The following CTNNA3 variants were observed in gnomAD, a reference collection of about 807,000 sequenced individuals.
The protein encoded by CTNNA3 is catenin alpha-3.
Under a neutral mutation model 95.7 loss-of-function variants are expected in CTNNA3, and 76 were observed. The observed-to-expected ratio is 0.79, with a 90% CI of 0.66 to 0.96. The LOEUF is 0.96. Among genes scored for constraint, CTNNA3 ranks in the 40% least tolerant of loss-of-function variants. The pLI is 0.00. For missense variants in CTNNA3, 1,191 were observed against 1,089.8 expected, an observed-to-expected ratio of 1.09 and a Z score of -1.31; for synonymous variants, 431 against 374.4, an observed-to-expected ratio of 1.15 and a Z score of -1.74.
chr10:66,193,622 T>C (rs2086794098), intron 13 of CTNNA3, among the ~76,000 whole-genome samples: 1 of 152,196 alleles, frequency 6.6e-6, no homozygotes, highest in Admixed American at 6.5e-5. Flanking sequence ...TTAGACAATA[T>C]AGCACAGTAT....
intron 7 of CTNNA3, among the ~76,000 whole-genome samples, chr10:66,784,439 A>T (rs12262330): frequency 0.17 from 25,867 of 152,108 alleles, 2,846 homozygotes; most frequent in African/African-American, 0.31. Flanking sequence ...TAAAAATCTC[A>T]TAAACAGGAT....
At chr10:66,567,748 C>A (rs1186550799) in intron 10 of CTNNA3, among the ~76,000 whole-genome samples, 1 of 152,214 alleles carries the variant, frequency 6.6e-6, no homozygotes, top group Non-Finnish European at 1.5e-5. Context: ...ACACATCCCC[C>A]TTTCAGGTCA....
At position 67,342,680 on chromosome 10, in the gene CTNNA3, T is replaced by A. The variant is rs189118521; in HGVS notation, c.580-122810A>T. Among the ~76,000 whole-genome samples, 4 of 152,298 alleles carry A rather than the reference T, an allele frequency of 2.6e-5. No homozygotes were observed. The East Asian group carries it at 5.8e-4, about 22-fold the overall frequency. ...TGGATATCCAGTTTTCCCAGCAGCA[T>A]TTATTGAAGAGACTGTCTTTTTTCG... is the stretch of plus-strand genomic sequence containing the variant. On this transcript the variant is annotated intron_variant, in intron 5 of 17. Transcript: ENST00000433211.
rs71474007 is a variant in CTNNA3 at position 66,024,085 on chromosome 10, A to ATTTTTTTTTTTTTTTTTTTTTTTT, written c.2160-35289_2160-35288insAAAAAAAAAAAAAAAAAAAAAAAA. 5.4e-4 allele frequency among the ~76,000 whole-genome samples: 47 copies of ATTTTTTTTTTTTTTTTTTTTTTTT among 87,748 alleles called. 9 individuals carry two copies. Among genetic ancestry groups the ATTTTTTTTTTTTTTTTTTTTTTTT allele is most frequent in the East Asian group, 7.1e-4 (2 of 2,804 alleles). 57.6% of individuals were successfully genotyped at this position (87,748 alleles called of 152,430 possible). A position where few individuals can be genotyped will look rare whatever the true frequency, so the allele number is the denominator to read the frequency against. ...TATCACAGAAACTTATACCATACACATTTTTTTTTTTTTTTTTTTTTTGAG... is the reference window on the plus strand; with the variant it reads ...TATCACAGAAACTTATACCATACACATTTTTTTTTTTTTTTTTTTTTTTTTTTTTTTTTTTTTTTTTTTTTTGAG... On this transcript the variant is annotated intron_variant, in intron 15 of 17. Transcript: ENST00000433211.
At chr10:66,657,110 C>T (rs114102245) in intron 9 of CTNNA3, among the ~76,000 whole-genome samples, 1,623 of 152,028 alleles carry the variant, frequency 0.011, 36 homozygotes, top group African/African-American at 0.037. Context: ...GAGAATGGCA[C>T]GAGGAAGCTA....
At chr10:67,131,360 G>A (rs894910203) in intron 7 of CTNNA3, among the ~76,000 whole-genome samples, 1 of 152,050 alleles carries the variant, frequency 6.6e-6, no homozygotes, top group Admixed American at 6.6e-5. Context: ...CCATAGGATT[G>A]TTTTGGTTAT....
At chr10:66,206,738 T>C (rs573871654) in intron 13 of CTNNA3, among the ~76,000 whole-genome samples, 55 of 152,086 alleles carry the variant, frequency 3.6e-4, no homozygotes, top group African/African-American at 1.3e-3. Context: ...GAAGATTTTC[T>C]TTGTAAAATG....
chr10:66,237,908 G>A (rs1375268737), intron 13 of CTNNA3, among the ~76,000 whole-genome samples: 1 of 151,490 alleles, frequency 6.6e-6, no homozygotes, highest in African/African-American at 2.4e-5. Context: ...TTGCATCTGT[G>A]GTTTCTTCTA....
chr10:66,810,874 T>A (rs1841848225), intron 7 of CTNNA3, among the ~76,000 whole-genome samples: 1 of 152,166 alleles, frequency 6.6e-6, no homozygotes, highest in South Asian at 2.1e-4. Flanking sequence ...CTCTCTTGAT[T>A]CCCACTCTCA....
chr10:66,897,543 A>T (rs1486299233), intron 7 of CTNNA3, among the ~76,000 whole-genome samples: 1 of 152,180 alleles, frequency 6.6e-6, no homozygotes, highest in African/African-American at 2.4e-5. Context: ...ATTATTTTAA[A>T]AGGCAAAAAC....
chr10:67,432,890 G>T (rs1028418193), intron 5 of CTNNA3, among the ~76,000 whole-genome samples: 2 of 152,042 alleles, frequency 1.3e-5, no homozygotes, highest in Middle Eastern at 3.2e-3. Context: ...TCAGGGTGAT[G>T]CTGACTTTAT....
intron 2 of CTNNA3, among the ~76,000 whole-genome samples, chr10:67,639,197 A>G (rs1589520618): frequency 6.6e-6 from 1 of 152,238 alleles, no homozygotes; most frequent in Non-Finnish European, 1.5e-5. Flanking sequence ...CCACAGAAAT[A>G]CAAACTACCA....
chr10:67,504,407 G>T (rs1291391227), intron 5 of CTNNA3, among the ~76,000 whole-genome samples: 1 of 116,658 alleles, frequency 8.6e-6, no homozygotes, highest in African/African-American at 3.3e-5. Flanking sequence ...CTGCACTCCA[G>T]CCTGGGCAAC....
intron 6 of CTNNA3, among the ~76,000 whole-genome samples, chr10:67,190,835 T>C (rs1414174038): frequency 6.6e-6 from 1 of 152,024 alleles, no homozygotes; most frequent in African/African-American, 2.4e-5. Flanking sequence ...ACAATATTTG[T>C]AAAAGGCATA....
At chr10:66,360,654 TCTTTCTTCCTTC>T (rs1355141026) in intron 12 of CTNNA3, among the ~76,000 whole-genome samples, 2,157 of 58,854 alleles carry the variant, frequency 0.037, 32 homozygotes, top group Non-Finnish European at 0.047. Flanking sequence ...TTTCTTTCTT[TCTTTCTTCCTTC>T]CTTCCTTCCT....
At chr10:67,580,434 A>G (rs1337720578) in intron 3 of CTNNA3, among the ~76,000 whole-genome samples, 1 of 151,614 alleles carries the variant, frequency 6.6e-6, no homozygotes, top group African/African-American at 2.4e-5. Context: ...TTTTGGTACC[A>G]GTACCATGCT....
intron 5 of CTNNA3, among the ~76,000 whole-genome samples, chr10:67,380,843 G>A (rs146128994): frequency 6.6e-6 from 1 of 152,320 alleles, no homozygotes; most frequent in East Asian, 1.9e-4. Flanking sequence ...TCTTTAAGAA[G>A]TTACTTTAGT....
intron 9 of CTNNA3, among the ~76,000 whole-genome samples, chr10:66,639,615 A>G (rs983610323): frequency 3.3e-5 from 5 of 152,186 alleles, no homozygotes; most frequent in Admixed American, 6.5e-5. Context: ...ACTCAATAAT[A>G]TAACTTTAAA....
intron 12 of CTNNA3, among the ~76,000 whole-genome samples, chr10:66,314,468 T>C (rs997432221): frequency 2.6e-5 from 4 of 151,518 alleles, no homozygotes; most frequent in African/African-American, 7.2e-5. Flanking sequence ...TTCCTAATTA[T>C]CATGATCCAA....
Sources: allele counts gnomAD v4.1 joint callset (sites outside exome capture counted in the v4.1 genomes callset), GRCh38; gene constraint gnomAD v4.1.1; transcripts MANE v1.5; gene names NCBI Gene and HGNC (gene_info 2026-07-23, HGNC 2026-07-21).